Variants in CNTNAP2 observed in about 807,000 individuals in gnomAD.
CNTNAP2 encodes the protein contactin associated protein 2, also known as contactin-associated protein-like 2.
A neutral mutation model predicts 155.2 loss-of-function variants in CNTNAP2; 98 were observed. The ratio of observed to expected loss-of-function variants is 0.63; its 90% confidence interval spans 0.54 to 0.75. The LOEUF (loss-of-function observed/expected upper bound fraction) is 0.75. Ranked by LOEUF, CNTNAP2 falls within the 30% of genes least tolerant of loss-of-function variation. The pLI, the probability that CNTNAP2 is intolerant of heterozygous loss-of-function variation, is 0.00. For missense variants in CNTNAP2, 1,727 were observed against 1,688.1 expected (o/e 1.02, Z -0.40); for synonymous variants, 651 against 631.2 (o/e 1.03, Z -0.47).
At chr7:146,516,111 G>T (rs1361793876) in intron 1 of CNTNAP2, among the ~76,000 whole-genome samples, 1 of 151,866 alleles carries the variant, frequency 6.6e-6, no homozygotes, top group African/African-American at 2.4e-5. Flanking sequence ...CAACATGAGA[G>T]AAAAAGTAAT....
chr7:147,350,368 G>A (rs573881616), intron 9 of CNTNAP2, among the ~76,000 whole-genome samples: 80 of 151,762 alleles, frequency 5.3e-4, no homozygotes, highest in African/African-American at 1.6e-3. Context: ...TCCTATTTCC[G>A]ATGCCCAAGT....
chr7:146,761,334 G>GAAA (rs869232774), intron 1 of CNTNAP2, among the ~76,000 whole-genome samples: 2 of 147,052 alleles, frequency 1.4e-5, no homozygotes, highest in African/African-American at 5.1e-5. Context: ...AGGAAGGAAG[G>GAAA]AAAATAGGAA....
chr7:147,315,638 G>T (rs1489115062), intron 9 of CNTNAP2, among the ~76,000 whole-genome samples: 2 of 151,712 alleles, frequency 1.3e-5, no homozygotes, highest in South Asian at 2.1e-4. Flanking sequence ...CCCGCCACAC[G>T]CCCGGCTAAT....
chr7:147,662,137 A>C (rs2116954385), intron 13 of CNTNAP2, among the ~76,000 whole-genome samples: 1 of 152,282 alleles, frequency 6.6e-6, no homozygotes, highest in East Asian at 1.9e-4. Flanking sequence ...AAGATGGCAC[A>C]CATATTAATC....
intron 13 of CNTNAP2, among the ~76,000 whole-genome samples, chr7:147,839,937 T>TACACACACACACACACAC (rs1283249034): frequency 1.4e-4 from 13 of 94,734 alleles, no homozygotes; most frequent in African/African-American, 4.4e-4. Flanking sequence ...TATATATATG[T>TACACACACACACACACAC]ATACACACAC....
chr7:147,613,299 G>A (rs1282402392), intron 12 of CNTNAP2, among the ~76,000 whole-genome samples: 2 of 152,038 alleles, frequency 1.3e-5, no homozygotes, highest in Admixed American at 1.3e-4. Context: ...GTAAATTACT[G>A]GTCTATGTTT....
intron 8 of CNTNAP2, among the ~76,000 whole-genome samples, chr7:147,271,161 C>T (rs548112489): frequency 1.8e-3 from 278 of 152,234 alleles, no homozygotes; most frequent in Non-Finnish European, 2.6e-3. Flanking sequence ...ATGATAACAC[C>T]TCGTTAAATT....
chr7:146,831,632 C>T (rs1239706776), intron 2 of CNTNAP2, among the ~76,000 whole-genome samples: 8 of 141,710 alleles, frequency 5.6e-5, no homozygotes, highest in South Asian at 2.2e-4. Context: ...GCCAGGATCT[C>T]GCCACTGCAC....
In CNTNAP2 at chr7:146,731,157, C is replaced by A. The variant is rs569062782; in HGVS notation, c.98-43114C>A. On this transcript the variant is annotated intron_variant, in intron 1 of 23. Coordinates refer to ENST00000361727, the MANE Select transcript of CNTNAP2 (RefSeq NM_014141.6). ...TGGCAACTGAGACTGAAATCAAAGT[C>A]CCCTAGGCCTGGCTGTGTCCAGATT... Among the ~76,000 whole-genome samples the A allele has an allele frequency of 5.5e-4, 83 of 152,226 alleles. 2 individuals carry two copies. The highest frequency in any genetic ancestry group is 3.9e-4 in the African/African-American group (16 of 41,552).
At chr7:147,148,197 C>T (rs938665102) in intron 8 of CNTNAP2, among the ~76,000 whole-genome samples, 37 of 151,362 alleles carry the variant, frequency 2.4e-4, no homozygotes, top group East Asian at 2.0e-4. Context: ...GAGACCATCC[C>T]GGCTAAAACG....
At chr7:148,209,463 C>G (rs1202348260) in intron 18 of CNTNAP2, among the ~76,000 whole-genome samples, 1 of 152,030 alleles carries the variant, frequency 6.6e-6, no homozygotes, top group African/African-American at 2.4e-5. Context: ...TGCCATATCC[C>G]CAACCCCACC....
chr7:146,947,404 CTCTCTCTATATATA>C (rs1185929801), intron 3 of CNTNAP2, among the ~76,000 whole-genome samples: 2 of 131,772 alleles, frequency 1.5e-5, no homozygotes, highest in African/African-American at 5.9e-5. Context: ...CTCTCTCTCT[CTCTCTCTATATATA>C]TATATATATA....
intron 11 of CNTNAP2, among the ~76,000 whole-genome samples, chr7:147,552,198 T>C (rs1799865256): frequency 6.6e-6 from 1 of 152,192 alleles, no homozygotes. Context: ...ATTTGAGTTA[T>C]ATGCGAGTTT....
intron 1 of CNTNAP2, among the ~76,000 whole-genome samples, chr7:146,758,243 C>G (rs1367947524): frequency 6.6e-6 from 1 of 152,074 alleles, no homozygotes; most frequent in Non-Finnish European, 1.5e-5. Context: ...ATTTCTGTAC[C>G]TTTGCTTGTT....
chr7:147,647,460 T>A (rs1363058029), intron 13 of CNTNAP2, among the ~76,000 whole-genome samples: 3 of 152,208 alleles, frequency 2.0e-5, no homozygotes, highest in Non-Finnish European at 4.4e-5. Context: ...TTTGCTTCCT[T>A]ATGAAACTTT....
intron 8 of CNTNAP2, among the ~76,000 whole-genome samples, chr7:147,208,878 A>G (rs932821788): frequency 5.9e-5 from 9 of 152,026 alleles, no homozygotes; most frequent in Non-Finnish European, 1.0e-4. Context: ...ATAAACTTTA[A>G]TCTGTGAAAC....
At chr7:147,841,207 G>A (rs1226703787) in intron 13 of CNTNAP2, among the ~76,000 whole-genome samples, 1 of 152,042 alleles carries the variant, frequency 6.6e-6, no homozygotes, top group Non-Finnish European at 1.5e-5. Flanking sequence ...TCATTTCTTT[G>A]CTTTATTTTC....
chr7:147,311,514 G>T (rs965867042), intron 9 of CNTNAP2, among the ~76,000 whole-genome samples: 3 of 152,124 alleles, frequency 2.0e-5, no homozygotes, highest in Non-Finnish European at 4.4e-5. Flanking sequence ...AGGCAGCGTG[G>T]CCTCAGCTGG....
intron 13 of CNTNAP2, among the ~76,000 whole-genome samples, chr7:147,714,494 TGAA>T (rs1796452572): frequency 6.6e-6 from 1 of 152,024 alleles, no homozygotes; most frequent in South Asian, 2.1e-4. Context: ...GCAAGAATTG[TGAA>T]GAAGACTGAG....
Sources: allele counts gnomAD v4.1 joint callset (sites outside exome capture counted in the v4.1 genomes callset), GRCh38; gene constraint gnomAD v4.1.1; transcripts MANE v1.5; gene names NCBI Gene and HGNC (gene_info 2026-07-23, HGNC 2026-07-21).